The following SIAE variants were observed in gnomAD, a reference collection of about 807,000 sequenced individuals.
SIAE encodes sialic acid acetylesterase, also known as sialate O-acetylesterase.
Under a neutral mutation model 52.6 loss-of-function variants are expected in SIAE, and 39 were observed. That is an observed-to-expected ratio of 0.74 (90% CI 0.57 to 0.97). SIAE has a LOEUF of 0.97. Ranked by LOEUF, SIAE falls within the 50% of genes least tolerant of loss-of-function variation. The pLI is 0.00. For synonymous variants in SIAE, 233 were observed against 241.4 expected, an observed-to-expected ratio of 0.97 and a Z score of 0.32; for missense variants, 592 against 662.1, an observed-to-expected ratio of 0.89 and a Z score of 1.16.
At chr11:124,647,735 A>G (rs1247812279) in intron 6 of SIAE, among the ~76,000 whole-genome samples, 1 of 152,106 alleles carries the variant, frequency 6.6e-6, no homozygotes, top group Non-Finnish European at 1.5e-5. Context: ...CTATTATATA[A>G]ATAATAAATG....
intron 2 of SIAE, among the ~76,000 whole-genome samples, chr11:124,666,800 G>C (rs1015123518): frequency 2.6e-5 from 4 of 152,190 alleles, no homozygotes; most frequent in Admixed American, 2.6e-4. Flanking sequence ...TTCTGGCTCA[G>C]TGTTTTAGAC....
At position 124,646,313 on chromosome 11, in the gene SIAE, C is replaced by T. The variant is rs571432950; in HGVS notation, c.966+1052G>A. Among the ~76,000 whole-genome samples the T allele has an allele frequency of 8.0e-4, 122 of 152,216 alleles. No homozygotes were observed. In the South Asian group the frequency reaches 0.024, roughly 30 times the overall value. On this transcript the variant is annotated intron_variant, in intron 7 of 9. Transcript: ENST00000263593. ...TTAACGAGTGCCAATCAACTACATA[C>T]GTACTAGGGATGTTAAGTGTGACCC...
chr11:124,673,247 G>A (rs992676465), intron 1 of SIAE, among the ~76,000 whole-genome samples: 1 of 152,168 alleles, frequency 6.6e-6, no homozygotes, highest in Admixed American at 6.5e-5. Context: ...GGGTAGCGCT[G>A]AAATGTTTTG....
intron 3 of SIAE, among the ~76,000 whole-genome samples, chr11:124,658,222 G>A (rs145555947): frequency 0.013 from 1,976 of 149,918 alleles, 25 homozygotes; most frequent in Non-Finnish European, 0.02. Flanking sequence ...CAAAGCATGC[G>A]TGTGAGTGTG....
At chr11:124,639,458 T>G (rs1942807063) in intron 8 of SIAE, among the ~76,000 whole-genome samples, 1 of 152,180 alleles carries the variant, frequency 6.6e-6, no homozygotes, top group Admixed American at 6.5e-5. Context: ...TTGCTCTGGG[T>G]CTATGAATGA....
chr11:124,669,003 C>G (rs1477945643), intron 2 of SIAE, among the ~76,000 whole-genome samples: 1 of 152,220 alleles, frequency 6.6e-6, no homozygotes. Context: ...CAAATACCAT[C>G]TTCTGTGGAA....
chr11:124,640,436 A>C (rs1942826093), intron 7 of SIAE, among the ~76,000 whole-genome samples: 1 of 152,214 alleles, frequency 6.6e-6, no homozygotes. Context: ...GGCAGAAATG[A>C]GCCATCCCAG....
chr11:124,651,164 A>T (rs987180729), intron 4 of SIAE, among the ~76,000 whole-genome samples: 1 of 152,224 alleles, frequency 6.6e-6, no homozygotes. Context: ...CCTACCATGT[A>T]TCAGGAACTA....
chr11:124,647,967 ATAAAGT>A, intron 6 of SIAE, 93 bp downstream of exon 6: 1 of 955,480 alleles, frequency 1.0e-6, no homozygotes, highest in Non-Finnish European at 1.7e-6. Flanking sequence ...GAATAAAATT[ATAAAGT>A]TATTGTTGCT....
At chr11:124,643,777 T>A (rs1194205688) in intron 7 of SIAE, among the ~76,000 whole-genome samples, 3 of 152,190 alleles carry the variant, frequency 2.0e-5, no homozygotes, top group African/African-American at 7.2e-5. Flanking sequence ...GGCATCAACC[T>A]ATTATCTCTC....
chr11:124,634,273 T>G lies in SIAE; in HGVS notation c.*2678A>C, dbSNP rs1942672830. 2 of 152,434 alleles carry G rather than the reference T, an allele frequency of 1.3e-5. No homozygotes were observed. The highest frequency in any genetic ancestry group is 4.1e-4 in the South Asian group (2 of 4,830). The allele number at this position is 152,434 out of a possible 1,614,324, so 9.4% of individuals were successfully genotyped here. On this transcript the variant is annotated 3_prime_UTR_variant, in exon 10 of 10. Coordinates refer to ENST00000263593, the MANE Select transcript of SIAE (RefSeq NM_170601.5). ...TCGCTTGAACCCGGGAGGCAGAGGT[T>G]GCAGTGAGCCGAGACCGCGCCACTG...
chr11:124,663,737 G>A (rs7950215), intron 2 of SIAE, among the ~76,000 whole-genome samples: 3,758 of 152,246 alleles, frequency 0.025, 133 homozygotes, highest in African/African-American at 0.079. Flanking sequence ...TAGCTTATCC[G>A]TTCAGGACTG....
rs1565406111 is a variant in SIAE at position 124,636,852 on chromosome 11, A to G, written c.*99T>C. ...TGAAAGCCATTCAATGAGGCTTTCT[A>G]TTAATTTCCTTTAAAAGCAATGGTT... On this transcript the variant is annotated 3_prime_UTR_variant, in exon 10 of 10. Transcript: ENST00000263593. The G allele has an allele frequency of 7.1e-6, 11 of 1,550,152 alleles. No homozygotes were observed. The highest frequency in any genetic ancestry group is 6.7e-5 in the Admixed American group (4 of 59,764).
intron 2 of SIAE, 87 bp from the exon 3 acceptor site, chr11:124,660,890 G>A: frequency 6.7e-7 from 1 of 1,491,238 alleles, no homozygotes; most frequent in South Asian, 1.1e-5. Context: ...GCTATTCCCA[G>A]CCTCTGTAAT....
At chr11:124,640,763 A>G (rs934986734) in intron 7 of SIAE, among the ~76,000 whole-genome samples, 4 of 152,168 alleles carry the variant, frequency 2.6e-5, no homozygotes, top group Non-Finnish European at 5.9e-5. Context: ...GTTTGCTTTG[A>G]CCAATCAACA....
intron 2 of SIAE, among the ~76,000 whole-genome samples, chr11:124,668,805 T>C (rs1943307732): frequency 6.6e-6 from 1 of 152,234 alleles, no homozygotes; most frequent in South Asian, 2.1e-4. Flanking sequence ...TAAATGATGC[T>C]GACTTAGAAA....
chr11:124,637,577 C>G (rs528530536), intron 9 of SIAE, among the ~76,000 whole-genome samples: 1 of 152,168 alleles, frequency 6.6e-6, no homozygotes, highest in East Asian at 1.9e-4. Flanking sequence ...GCTGCTGCTC[C>G]GCTCTGGCAC....
At chr11:124,641,975 A>AG (rs1471435581) in intron 7 of SIAE, among the ~76,000 whole-genome samples, 8,537 of 149,704 alleles carry the variant, frequency 0.057, 869 homozygotes, top group African/African-American at 0.2. Context: ...AAAAAAAAAA[A>AG]AAAAAAGAAA....
chr11:124,646,937 G>A (rs760557431), intron 7 of SIAE, among the ~76,000 whole-genome samples: 31 of 152,076 alleles, frequency 2.0e-4, no homozygotes, highest in Non-Finnish European at 2.2e-4. Context: ...ATGAAAAATC[G>A]TTTACTACTT....
Sources: allele counts gnomAD v4.1 joint callset (sites outside exome capture counted in the v4.1 genomes callset), GRCh38; gene constraint gnomAD v4.1.1; transcripts MANE v1.5; gene names NCBI Gene and HGNC (gene_info 2026-07-23, HGNC 2026-07-21).